Variants in PALLD observed in about 807,000 individuals in gnomAD.
PALLD encodes the protein palladin.
Under a neutral mutation model 123.5 loss-of-function variants are expected in PALLD, and 61 were observed. The ratio of observed to expected loss-of-function variants is 0.49; its 90% CI spans 0.40 to 0.61. The LOEUF (loss-of-function observed/expected upper bound fraction) is 0.61, where lower values mean the gene tolerates loss of function less well. Among genes scored for constraint, PALLD ranks in the 20% least tolerant of loss-of-function variants. The pLI, the probability that PALLD is intolerant of heterozygous loss-of-function variation, is 0.00. For missense variants in PALLD, 1,273 were observed against 1,377.0 expected (o/e 0.92, Z 1.20); for synonymous variants, 465 against 496.4 (o/e 0.94, Z 0.84).
rs70961555 is a variant in PALLD, at chr4:168,761,645, G to GTTTTTTTTTTTTTTTTTTTTTTTTTT, written c.1964+49728_1964+49753dup. On this transcript the variant is annotated intron_variant, in intron 10 of 21. Transcript: ENST00000505667. ...CCAGCTATTTTTGTTGTTGTTGTTT[G>GTTTTTTTTTTTTTTTTTTTTTTTTTT]TTTTTTTTTTTTTTTTTTTTTTTTT... is the stretch of plus-strand genomic sequence containing the variant. 2.3e-3 allele frequency among the ~76,000 whole-genome samples: 203 copies of GTTTTTTTTTTTTTTTTTTTTTTTTTT among 87,908 alleles called. 30 individuals are homozygous for GTTTTTTTTTTTTTTTTTTTTTTTTTT. The highest frequency in any genetic ancestry group is 6.2e-3 in the Middle Eastern group (1 of 162). The allele number at this position is 87,908 out of a possible 152,430, so 57.7% of individuals were successfully genotyped here.
intron 1 of PALLD, among the ~76,000 whole-genome samples, chr4:168,504,476 C>T (rs909559947): frequency 6.6e-6 from 1 of 151,924 alleles, no homozygotes; most frequent in African/African-American, 2.4e-5. Flanking sequence ...CACCTGTAGC[C>T]CCAGCTACTC....
intron 2 of PALLD, among the ~76,000 whole-genome samples, chr4:168,594,883 T>C (rs567539329): frequency 4.4e-4 from 67 of 152,290 alleles, no homozygotes; most frequent in African/African-American, 1.5e-3. Context: ...ACTAACTCTA[T>C]GTGGAATTGT....
rs117440967 is a variant in PALLD at position 168,710,186 on chromosome 4, G to A, written c.1621+1039G>A. Among the ~76,000 whole-genome samples, 140 of 152,228 alleles carry A rather than the reference G, an allele frequency of 9.2e-4. 4 individuals carry two copies. The East Asian group carries it at 0.021, about 22-fold the overall frequency. ...AATATGAAAAAGAAAGCAATGTATT[G>A]TATTATTGAAGTCAATTTTCAAAAA... is the stretch of plus-strand genomic sequence containing the variant. On this transcript the variant is annotated intron_variant, in intron 9 of 21. Coordinates refer to ENST00000505667, the MANE Select transcript of PALLD (RefSeq NM_001166108.2).
rs181564473 is a variant in PALLD at position 168,625,161 on chromosome 4, A to G, written c.909-43029A>G. Among the ~76,000 whole-genome samples, 9 of 152,232 alleles carry G rather than the reference A, an allele frequency of 5.9e-5. No homozygotes were observed. In the East Asian group the frequency reaches 1.7e-3, roughly 29 times the overall value. On this transcript the variant is annotated intron_variant, in intron 2 of 21. Transcript: ENST00000505667. The stretch of plus-strand genomic sequence containing the variant: ...ATTAGATATTAGATATTAAGAAAAT[A>G]TTAAAAATTAAAAGCATTGATAATT...
In PALLD at chr4:168,511,947, C is replaced by T. The variant is rs1303568984; in HGVS notation, c.443C>T (p.Pro148Leu). Residue 148 changes from proline to leucine, a missense_variant, in exon 2 of 22, where the codon CCC becomes CTC. Coordinates refer to ENST00000505667, the MANE Select transcript of PALLD (RefSeq NM_001166108.2). The part of the protein sequence containing the change: ...RKAEKRGAKT[P>L]STNVKPKTPH... Reference sequence around the variant, plus strand: ...GCTGAAAAGCGTGGTGCAAAAACTCCCAGCACAAACGTAAAGCCCAAAACG... The same window carrying T: ...GCTGAAAAGCGTGGTGCAAAAACTCTCAGCACAAACGTAAAGCCCAAAACG... The T allele has an allele frequency of 9.9e-6, 16 of 1,614,200 alleles. No homozygotes were observed. Among genetic ancestry groups the T allele is most frequent in the Admixed American group, 1.7e-5 (1 of 60,020 alleles).
At chr4:168,849,909 A>ATC (rs920040648) in intron 10 of PALLD, among the ~76,000 whole-genome samples, 1 of 152,152 alleles carries the variant, frequency 6.6e-6, no homozygotes, top group Non-Finnish European at 1.5e-5. Flanking sequence ...AGCTACCTCC[A>ATC]TTAAAAGAGA....
chr4:168,767,138 G>A (rs1174615656), intron 10 of PALLD, among the ~76,000 whole-genome samples: 1 of 152,162 alleles, frequency 6.6e-6, no homozygotes, highest in Non-Finnish European at 1.5e-5. Context: ...GAAGTACTGG[G>A]ACTGTAACAA....
intron 2 of PALLD, 80 bp from the exon 3 acceptor site, chr4:168,668,110 C>A: frequency 8.9e-7 from 1 of 1,117,958 alleles, no homozygotes. Context: ...AGCAACCAGC[C>A]TTCACTTCTG....
intron 1 of PALLD, chr4:168,507,783 G>T (rs1473712576): frequency 5.6e-6 from 1 of 177,266 alleles, no homozygotes; most frequent in Non-Finnish European, 1.2e-5. Flanking sequence ...TTCTCTGCAT[G>T]GCTCCAGGCC....
chr4:168,629,310 G>A (rs932739263), intron 2 of PALLD, among the ~76,000 whole-genome samples: 6 of 152,006 alleles, frequency 3.9e-5, no homozygotes, highest in Admixed American at 3.3e-4. Flanking sequence ...CACCGTGCCC[G>A]GCCCTGCCTA....
intron 10 of PALLD, among the ~76,000 whole-genome samples, chr4:168,746,143 C>A (rs1239620582): frequency 6.6e-6 from 1 of 152,020 alleles, no homozygotes; most frequent in Non-Finnish European, 1.5e-5. Flanking sequence ...AGTTCAACAT[C>A]ATTTCCTTTT....
intron 2 of PALLD, among the ~76,000 whole-genome samples, chr4:168,584,939 T>C (rs185519994): frequency 2.0e-3 from 306 of 152,362 alleles, no homozygotes; most frequent in Admixed American, 4.6e-3. Context: ...TACACATTTA[T>C]TTGGAATGTC....
chr4:168,572,211 C>T (rs560906541), intron 2 of PALLD, among the ~76,000 whole-genome samples: 1 of 152,258 alleles, frequency 6.6e-6, no homozygotes, highest in South Asian at 2.1e-4. Flanking sequence ...ACTGCCTCAT[C>T]ACCACCATTA....
chr4:168,789,721 G>T (rs564038396), intron 10 of PALLD, among the ~76,000 whole-genome samples: 57 of 144,386 alleles, frequency 3.9e-4, no homozygotes, highest in African/African-American at 1.3e-3. Context: ...AAAAAAAAAA[G>T]TAGGAAGTAA....
intron 10 of PALLD, among the ~76,000 whole-genome samples, chr4:168,825,895 T>A (rs537603033): frequency 6.6e-6 from 1 of 152,170 alleles, no homozygotes; most frequent in Non-Finnish European, 1.5e-5. Flanking sequence ...TTATGCATGA[T>A]CTTACCCATG....
intron 10 of PALLD, among the ~76,000 whole-genome samples, chr4:168,754,181 A>G (rs1438365771): frequency 6.6e-6 from 1 of 152,220 alleles, no homozygotes; most frequent in African/African-American, 2.4e-5. Flanking sequence ...GAAAATGTGT[A>G]ACAAAACCTA....
intron 3 of PALLD, among the ~76,000 whole-genome samples, chr4:168,673,834 G>A (rs1250963396): frequency 6.6e-6 from 1 of 151,974 alleles, no homozygotes; most frequent in Non-Finnish European, 1.5e-5. Context: ...TGAGGAAGAC[G>A]GAAAAGGAAT....
chr4:168,710,011 A>G lies in PALLD; in HGVS notation c.1621+864A>G, dbSNP rs540216163. Among the ~76,000 whole-genome samples, 8 of 152,216 alleles carry G rather than the reference A, an allele frequency of 5.3e-5. No individual in the cohort carries two copies. In the South Asian group the frequency reaches 8.3e-4, roughly 16 times the overall value. ...CTGGAGATACTTGTACAAATAAGCC[A>G]TTGTCTGATCCACTGTTGAAACTTC... On this transcript the variant is annotated intron_variant, in intron 9 of 21. Coordinates refer to ENST00000505667, the MANE Select transcript of PALLD (RefSeq NM_001166108.2).
chr4:168,525,559 C>A (rs1270110943), intron 2 of PALLD, among the ~76,000 whole-genome samples: 1 of 152,208 alleles, frequency 6.6e-6, no homozygotes, highest in African/African-American at 2.4e-5. Flanking sequence ...CTACAAATAT[C>A]TTGACCAATT....
Sources: allele counts gnomAD v4.1 joint callset (sites outside exome capture counted in the v4.1 genomes callset), GRCh38; gene constraint gnomAD v4.1.1; transcripts MANE v1.5; gene names NCBI Gene and HGNC (gene_info 2026-07-23, HGNC 2026-07-21).